Variants in CHIC1 observed in about 807,000 individuals in gnomAD.
The protein encoded by CHIC1 is cysteine rich hydrophobic domain 1, also known as cysteine-rich hydrophobic domain-containing protein 1.
In CHIC1, 7 loss-of-function variants were observed where a neutral mutation model predicts 18.5. The ratio of observed to expected loss-of-function variants is 0.38; its 90% CI spans 0.22 to 0.71. The LOEUF (loss-of-function observed/expected upper bound fraction) is 0.71, where lower values mean the gene tolerates loss of function less well. CHIC1 is among the 30% of genes least tolerant of loss of function. The pLI is 0.49. For missense variants in CHIC1, 159 were observed against 176.9 expected (o/e 0.90, Z 0.57); for synonymous variants, 77 against 73.5 (o/e 1.05, Z -0.25).
At chrX:73,604,203 GA>G (rs1482302498) in intron 3 of CHIC1, among the ~76,000 whole-genome samples, 1 of 103,606 alleles carries the variant, frequency 9.7e-6, no homozygotes, top group East Asian at 2.9e-4. Flanking sequence ...GTCTATTCAG[GA>G]ATTTGACTTC....
intron 3 of CHIC1, among the ~76,000 whole-genome samples, chrX:73,667,971 A>C (rs1391406323): frequency 6.3e-5 from 7 of 111,444 alleles, no homozygotes; most frequent in Non-Finnish European, 1.9e-5. Flanking sequence ...ACTTGGTTCC[A>C]TTCTCCCAGT....
intron 3 of CHIC1, among the ~76,000 whole-genome samples, chrX:73,675,413 T>C (rs924307117): frequency 1.8e-4 from 20 of 112,065 alleles, no homozygotes; most frequent in African/African-American, 5.5e-4. Flanking sequence ...ATCTGGGTGC[T>C]CCTGTATTGG....
At chrX:73,626,235 T>C (rs890917858) in intron 3 of CHIC1, among the ~76,000 whole-genome samples, 3 of 112,032 alleles carry the variant, frequency 2.7e-5, no homozygotes, top group Admixed American at 9.5e-5. Context: ...CTTTCTGTAT[T>C]GTTTACCTTT....
At chrX:73,642,596 T>C (rs1486354086) in intron 3 of CHIC1, among the ~76,000 whole-genome samples, 2 of 106,578 alleles carry the variant, frequency 1.9e-5, no homozygotes, top group African/African-American at 6.7e-5. Context: ...TCCTTGCCCA[T>C]GCCTATGTCC....
chrX:73,659,924 C>G (rs1423527530), intron 3 of CHIC1, among the ~76,000 whole-genome samples: 1 of 111,686 alleles, frequency 9.0e-6, no homozygotes, highest in East Asian at 2.8e-4. Context: ...GGCTACGAAA[C>G]TGTCATTGAT....
intron 3 of CHIC1, among the ~76,000 whole-genome samples, chrX:73,600,006 C>T (rs1193220189): frequency 3.0e-5 from 3 of 100,279 alleles, no homozygotes; most frequent in Non-Finnish European, 2.0e-5. Context: ...TCTTTTATTT[C>T]GTTGAGCAGT....
At chrX:73,577,783 T>A (rs1017847407) in intron 2 of CHIC1, among the ~76,000 whole-genome samples, 2 of 110,697 alleles carry the variant, frequency 1.8e-5, no homozygotes, top group African/African-American at 6.5e-5. Flanking sequence ...AGAGTTAAAG[T>A]TATTTTTTTA....
intron 3 of CHIC1, among the ~76,000 whole-genome samples, chrX:73,626,246 G>A (rs367833329): frequency 1.5e-4 from 17 of 111,728 alleles, no homozygotes; most frequent in East Asian, 1.1e-3. Flanking sequence ...GTTTACCTTT[G>A]GGAGTATGAT....
chrX:73,671,488 G>A (rs1427848405), intron 3 of CHIC1, among the ~76,000 whole-genome samples: 4 of 111,200 alleles, frequency 3.6e-5, no homozygotes, highest in Non-Finnish European at 7.5e-5. Flanking sequence ...TGTTTTTCCT[G>A]CCTAGGTTAT....
chrX:73,685,600 T>G lies in CHIC1; in HGVS notation c.*4595T>G, dbSNP rs1189647184. On this transcript the variant is annotated 3_prime_UTR_variant, in exon 6 of 6. Coordinates refer to ENST00000373502, the MANE Select transcript of CHIC1 (RefSeq NM_001039840.4). ...CTCTGCTGCTTAATTCCTCTGTACC[T>G]CACGTCCTCATTGTCGAAGTGGGGA... is the stretch of plus-strand genomic sequence containing the variant. 4 of 111,588 alleles carry G rather than the reference T, an allele frequency of 3.6e-5. No homozygotes were observed. The highest frequency in any genetic ancestry group is 9.3e-3 in the Middle Eastern group (2 of 216). The allele number at this position is 111,588 out of a possible 1,213,427, so 9.2% of individuals were successfully genotyped here.
At chrX:73,621,265 A>G (rs949892308) in intron 3 of CHIC1, among the ~76,000 whole-genome samples, 2 of 112,079 alleles carry the variant, frequency 1.8e-5, no homozygotes, top group Non-Finnish European at 3.8e-5. Flanking sequence ...TAGGGATATC[A>G]TTCAATCTGT....
At chrX:73,628,874 C>T (rs1337028422) in intron 3 of CHIC1, among the ~76,000 whole-genome samples, 2 of 111,000 alleles carry the variant, frequency 1.8e-5, no homozygotes, top group African/African-American at 3.3e-5. Flanking sequence ...ATTTTTCTCC[C>T]AATATTTTTT....
chrX:73,630,128 TTTTACAGTGCTAACAA>T (rs1465346818), intron 3 of CHIC1, among the ~76,000 whole-genome samples: 2 of 112,173 alleles, frequency 1.8e-5, no homozygotes, highest in Non-Finnish European at 3.8e-5. Flanking sequence ...ACTGAATTCA[TTTTACAGTGCTAACAA>T]TTTTTTGGTG....
At chrX:73,619,711 T>C (rs1027021458) in intron 3 of CHIC1, among the ~76,000 whole-genome samples, 3 of 111,878 alleles carry the variant, frequency 2.7e-5, no homozygotes, top group Non-Finnish European at 5.6e-5. Flanking sequence ...CCACTTTTTT[T>C]CTTTAAAATT....
chrX:73,603,510 T>C (rs1389996916), intron 3 of CHIC1, among the ~76,000 whole-genome samples: 1 of 108,218 alleles, frequency 9.2e-6, no homozygotes, highest in Non-Finnish European at 1.9e-5. Context: ...CTTGCCTGAT[T>C]GCCCTGGCCA....
intron 3 of CHIC1, among the ~76,000 whole-genome samples, chrX:73,619,807 A>T (rs1180086038): frequency 1.8e-5 from 2 of 110,945 alleles, no homozygotes; most frequent in Admixed American, 1.9e-4. Flanking sequence ...TGCTACACCC[A>T]TCGACCTGTA....
chrX:73,659,370 C>CTTTTTT (rs149705423), intron 3 of CHIC1, among the ~76,000 whole-genome samples: 125 of 35,104 alleles, frequency 3.6e-3, no homozygotes, highest in African/African-American at 6.7e-3. Flanking sequence ...TTCCCCTTTT[C>CTTTTTT]TTTTTTTTTT....
Position 73,563,381 on chromosome X carries a change from T to C in CHIC1, c.97T>C (p.Ser33Pro), listed in dbSNP as rs866971272. Residue 33 changes from serine to proline, a missense_variant, in exon 1 of 6, where the codon TCG becomes CCG. Transcript: ENST00000373502. ...AGCGGCAACGTCGTCGTCGTCGCCG[T>C]CGTCGTCGTCGTCGGTATCTGGGCC... ...EEAATSSSSP[S>P]SSSSVSGPDD... 1 of 1,130,277 alleles carries C rather than the reference T, an allele frequency of 8.8e-7. No individual in the cohort carries two copies. The highest frequency in any genetic ancestry group is 1.2e-6 in the Non-Finnish European group (1 of 853,516). The allele number at this position is 1,130,277 out of a possible 1,213,427, so 93.1% of individuals were successfully genotyped here. A position where few individuals can be genotyped will look rare whatever the true frequency, so the allele number is the denominator to read the frequency against.
intron 3 of CHIC1, among the ~76,000 whole-genome samples, chrX:73,653,721 TG>T (rs1022288220): frequency 1.8e-5 from 2 of 112,611 alleles, no homozygotes; most frequent in African/African-American, 6.4e-5. Flanking sequence ...TTTGTGTGTG[TG>T]CCCTTTTTAA....
Sources: allele counts gnomAD v4.1 joint callset (sites outside exome capture counted in the v4.1 genomes callset), GRCh38; gene constraint gnomAD v4.1.1; transcripts MANE v1.5; gene names NCBI Gene and HGNC (gene_info 2026-07-23, HGNC 2026-07-21).